Variants in APOO observed in about 807,000 individuals in gnomAD.
The protein encoded by APOO is apolipoprotein O.
A neutral mutation model predicts 23.1 loss-of-function variants in APOO; 11 were observed. That is an observed-to-expected ratio of 0.48 (90% CI 0.30 to 0.79). The LOEUF (loss-of-function observed/expected upper bound fraction) is 0.79, where lower values mean the gene tolerates loss of function less well. Among genes scored for constraint, APOO ranks in the 30% least tolerant of loss-of-function variants. The pLI, the probability that APOO is intolerant of heterozygous loss-of-function variation, is 0.07. For missense variants in APOO, 160 were observed against 142.7 expected, an observed-to-expected ratio of 1.12 and a Z score of -0.62; for synonymous variants, 59 against 54.8, an observed-to-expected ratio of 1.08 and a Z score of -0.34.
chrX:23,834,225 T>C (rs747230789), intron 8 of APOO, among the ~76,000 whole-genome samples: 4 of 107,438 alleles, frequency 3.7e-5, no homozygotes, highest in South Asian at 4.1e-4. Flanking sequence ...TGAAATCCCA[T>C]CTTTACTAAA....
chrX:23,879,095 C>A, intron 2 of APOO, 61 bp from the exon 3 acceptor site: 1 of 1,109,851 alleles, frequency 9.0e-7, no homozygotes, highest in Non-Finnish European at 1.2e-6. Flanking sequence ...ATACATTTAT[C>A]AAATTTGTAA....
At chrX:23,858,522 T>C in intron 6 of APOO, 120 bp downstream of exon 6, 1 of 612,894 alleles carries the variant, frequency 1.6e-6, no homozygotes, top group South Asian at 3.6e-5. Flanking sequence ...TTCATCTATA[T>C]GTACAAACAA....
rs1215074931 is a variant in APOO, at chrX:23,907,796, T to G, written c.-94A>C. 7.8e-5 allele frequency: 78 copies of G among 1,004,980 alleles called. No homozygotes were observed. In the East Asian group the frequency reaches 2.7e-3, roughly 35 times the overall value. The allele number at this position is 1,004,980 out of a possible 1,213,427, so 82.8% of individuals were successfully genotyped here. A position where few individuals can be genotyped will look rare whatever the true frequency, so the allele number is the denominator to read the frequency against. ...ACGGAGGCCCGGTAGGGCCTTGATTTCTCCAACCGCAAGCAGGCAGCGGTG... is the reference window on the plus strand; with the variant it reads ...ACGGAGGCCCGGTAGGGCCTTGATTGCTCCAACCGCAAGCAGGCAGCGGTG... On this transcript the variant is annotated 5_prime_UTR_variant, in exon 1 of 9. Transcript: ENST00000379226.
chrX:23,835,108 C>G (rs1443431000), intron 8 of APOO, among the ~76,000 whole-genome samples: 1 of 104,981 alleles, frequency 9.5e-6, no homozygotes, highest in Non-Finnish European at 1.9e-5. Context: ...GTTGCCCAGG[C>G]TGGAGTACAG....
intron 3 of APOO, among the ~76,000 whole-genome samples, chrX:23,877,773 CAA>C (rs753379740): frequency 6.5e-5 from 3 of 46,210 alleles, no homozygotes; most frequent in Admixed American, 2.5e-4. Flanking sequence ...GACTCCCTCT[CAA>C]AAAAAAAAAA....
At chrX:23,901,932 G>A (rs1927148676) in intron 1 of APOO, among the ~76,000 whole-genome samples, 1 of 112,102 alleles carries the variant, frequency 8.9e-6, no homozygotes, top group Non-Finnish European at 1.9e-5. Context: ...CCTTGCATGT[G>A]CTTTTCTTCT....
At chrX:23,869,761 C>A (rs750121353) in intron 4 of APOO, among the ~76,000 whole-genome samples, 2 of 107,929 alleles carry the variant, frequency 1.9e-5, no homozygotes, top group South Asian at 8.0e-4. Context: ...ACCAGCCTGA[C>A]CAACATGGTA....
chrX:23,840,248 A>G, intron 8 of APOO, 65 bp downstream of exon 8: 2 of 634,658 alleles, frequency 3.2e-6, no homozygotes. Flanking sequence ...AAATTAATTA[A>G]AAACAAGTCA....
intron 1 of APOO, among the ~76,000 whole-genome samples, chrX:23,892,199 C>T (rs1926686938): frequency 9.1e-6 from 1 of 109,396 alleles, no homozygotes; most frequent in Non-Finnish European, 1.9e-5. Flanking sequence ...GATTCTCCTG[C>T]CTCAGCCTCT....
At chrX:23,859,321 G>C (rs1364946670) in intron 5 of APOO, among the ~76,000 whole-genome samples, 1 of 111,461 alleles carries the variant, frequency 9.0e-6, no homozygotes, top group Non-Finnish European at 1.9e-5. Flanking sequence ...ATTAACTTTA[G>C]AGCTTTTTCA....
intron 1 of APOO, among the ~76,000 whole-genome samples, chrX:23,889,110 C>G (rs1926510615): frequency 9.1e-6 from 1 of 109,891 alleles, no homozygotes; most frequent in African/African-American, 3.3e-5. Flanking sequence ...TCACTGCATT[C>G]CAGCCTGAGT....
At chrX:23,868,457 T>C in intron 5 of APOO, 136 bp downstream of exon 5, 1 of 422,879 alleles carries the variant, frequency 2.4e-6, no homozygotes, top group Admixed American at 4.2e-5. Flanking sequence ...GATAACCATA[T>C]CCATTATACA....
At chrX:23,875,753 AGT>A (rs2147012357) in intron 3 of APOO, among the ~76,000 whole-genome samples, 1 of 110,798 alleles carries the variant, frequency 9.0e-6, no homozygotes, top group African/African-American at 3.3e-5. Context: ...ATTCAGTTCA[AGT>A]CAGAACAAGC....
At chrX:23,874,276 T>G in intron 4 of APOO, 127 bp downstream of exon 4, 1 of 619,279 alleles carries the variant, frequency 1.6e-6, no homozygotes, top group Non-Finnish European at 2.6e-6. Flanking sequence ...AAAATCCACA[T>G]AGCTCTAAAA....
intron 1 of APOO, among the ~76,000 whole-genome samples, chrX:23,888,300 C>A (rs1485617439): frequency 8.9e-6 from 1 of 112,174 alleles, no homozygotes; most frequent in Non-Finnish European, 1.9e-5. Context: ...ACTCTGTCTC[C>A]ACTGAAGCTT....
At chrX:23,859,720 G>C (rs933386990) in intron 5 of APOO, among the ~76,000 whole-genome samples, 8 of 111,958 alleles carry the variant, frequency 7.1e-5, no homozygotes, top group African/African-American at 2.6e-4. Flanking sequence ...TGGGATTACA[G>C]GTGTAAGCCG....
chrX:23,894,432 T>C (rs1234251595), intron 1 of APOO, among the ~76,000 whole-genome samples: 14 of 111,476 alleles, frequency 1.3e-4, no homozygotes, highest in Non-Finnish European at 1.3e-4. Flanking sequence ...CCAACCAAAA[T>C]TTACTTTTAA....
intron 7 of APOO, among the ~76,000 whole-genome samples, chrX:23,854,654 G>A (rs1056323033): frequency 2.8e-5 from 3 of 108,146 alleles, no homozygotes; most frequent in Admixed American, 1.0e-4. Flanking sequence ...CTGAGTAGCC[G>A]GGATTACAGA....
intron 1 of APOO, among the ~76,000 whole-genome samples, chrX:23,898,378 C>T (rs932744861): frequency 9.9e-5 from 11 of 111,120 alleles, no homozygotes; most frequent in African/African-American, 3.6e-4. Flanking sequence ...GCTGGGATTA[C>T]AGGTGTGAGC....
Sources: gnomAD v4.1 joint callset for allele counts (sites outside exome capture counted in the v4.1 genomes callset) on GRCh38, gnomAD v4.1.1 for gene constraint, MANE v1.5 for transcripts, NCBI Gene and HGNC (gene_info 2026-07-23, HGNC 2026-07-21) for gene names.